Variants in SRGAP3 observed in about 807,000 individuals in gnomAD.
The protein encoded by SRGAP3 is SLIT-ROBO Rho GTPase-activating protein 3.
In SRGAP3, 39 loss-of-function variants were observed where a neutral mutation model predicts 121.1. The observed-to-expected ratio is 0.32, with a 90% confidence interval of 0.25 to 0.42. SRGAP3 has a LOEUF of 0.42. Ranked by LOEUF, SRGAP3 falls within the 10% of genes least tolerant of loss-of-function variation. The pLI, the probability that SRGAP3 is intolerant of heterozygous loss-of-function variation, is 1.00. For synonymous variants in SRGAP3, 601 were observed against 570.0 expected (o/e 1.05, Z -0.77); for missense variants, 1,213 against 1,470.6 (o/e 0.82, Z 2.86).
At position 9,019,225 on chromosome 3, in the gene SRGAP3, A is replaced by G. The variant is rs1024666127; in HGVS notation, c.1679-3494T>C. Among the ~76,000 whole-genome samples the G allele has an allele frequency of 6.6e-5, 10 of 152,242 alleles. 1 individual carries two copies. Among genetic ancestry groups the G allele is most frequent in the African/African-American group, 1.9e-4 (8 of 41,472 alleles). ...GCAGATTTCTGTGATCAGTTCCCAG[A>G]AGAGGGATGGCTGGGTCATAGGGTA... On this transcript the variant is annotated intron_variant, in intron 14 of 21. Transcript: ENST00000383836.
intron 2 of SRGAP3, among the ~76,000 whole-genome samples, chr3:9,107,470 T>C (rs1016241426): frequency 1.3e-5 from 2 of 152,208 alleles, no homozygotes; most frequent in African/African-American, 2.4e-5. Context: ...CTGGACGCTT[T>C]TCCCTCTGCC....
intron 18 of SRGAP3, among the ~76,000 whole-genome samples, chr3:8,999,429 C>T (rs1236622918): frequency 1.3e-5 from 2 of 152,210 alleles, no homozygotes; most frequent in African/African-American, 4.8e-5. Flanking sequence ...CCCATCAAAT[C>T]CCTCCCTCTA....
intron 5 of SRGAP3, among the ~76,000 whole-genome samples, chr3:9,063,722 G>A (rs1475575041): frequency 6.6e-6 from 1 of 152,162 alleles, no homozygotes; most frequent in Non-Finnish European, 1.5e-5. Flanking sequence ...GAGTTGACAT[G>A]AGAGATGAGA....
chr3:8,984,109 G>A lies in SRGAP3; in HGVS notation c.*1410C>T, dbSNP rs1574842525. Reference sequence around the variant, plus strand: ...TACTTGGCCAAGAGGCAAAGGCCTGGCTGTCACACGTGAAGATCATGCACC... The same window carrying A: ...TACTTGGCCAAGAGGCAAAGGCCTGACTGTCACACGTGAAGATCATGCACC... On this transcript the variant is annotated 3_prime_UTR_variant, in exon 22 of 22. Coordinates refer to ENST00000383836, the MANE Select transcript of SRGAP3 (RefSeq NM_014850.4). The A allele has an allele frequency of 4.3e-6, 1 of 231,834 alleles. No individual in the cohort carries two copies. The highest frequency in any genetic ancestry group is 8.5e-6 in the Non-Finnish European group (1 of 117,248). The allele number at this position is 231,834 out of a possible 1,614,324, so 14.4% of individuals were successfully genotyped here. A position where few individuals can be genotyped will look rare whatever the true frequency, so the allele number is the denominator to read the frequency against.
chr3:9,039,258 C>G (rs964341278), intron 10 of SRGAP3, among the ~76,000 whole-genome samples: 1 of 152,172 alleles, frequency 6.6e-6, no homozygotes, highest in Non-Finnish European at 1.5e-5. Context: ...TCCTGCCCTA[C>G]AAGTTCCTCA....
chr3:8,990,817 C>A lies in SRGAP3; in HGVS notation c.2581G>T (p.Ala861Ser). 6.4e-7 allele frequency: 1 copy of A among 1,568,652 alleles called. No individual in the cohort carries two copies. Among genetic ancestry groups the A allele is most frequent in the Non-Finnish European group, 8.6e-7 (1 of 1,161,172 alleles). Residue 861 changes from alanine (A) to serine (S), a missense_variant, in exon 21 of 22, where the codon GCA becomes TCA. Physicochemically the swap from Ala to Ser is moderately conservative, Grantham distance 99 (BLOSUM62 1). Coordinates refer to ENST00000383836, the MANE Select transcript of SRGAP3 (RefSeq NM_014850.4). ...MGRVRLRSDG[A>S]AIPRRRSGGD... ...CCGCTTCGGCGTCTGGGGATGGCTG[C>A]TCCATCAGATCGTAACCGCACTCTG...
At chr3:9,272,798 TTC>T (rs1353721939) in intron 3 of SRGAP3, among the ~76,000 whole-genome samples, 4 of 90,894 alleles carry the variant, frequency 4.4e-5, no homozygotes, top group South Asian at 3.6e-4. Context: ...CATATAATAA[TTC>T]TGTTTATTTT....
intron 1 of SRGAP3, among the ~76,000 whole-genome samples, chr3:9,200,930 G>C (rs1347009652): frequency 6.6e-6 from 1 of 152,096 alleles, no homozygotes; most frequent in African/African-American, 2.4e-5. Context: ...CAAAACTCAA[G>C]TCATGACTAC....
intron 4 of SRGAP3, among the ~76,000 whole-genome samples, chr3:9,075,662 G>C (rs144509793): frequency 6.6e-6 from 1 of 152,048 alleles, no homozygotes; most frequent in Non-Finnish European, 1.5e-5. Flanking sequence ...TAGGACCCCC[G>C]GAACAGACCA....
intron 1 of SRGAP3, among the ~76,000 whole-genome samples, chr3:9,176,652 C>G (rs1402044027): frequency 2.0e-5 from 3 of 152,162 alleles, no homozygotes; most frequent in Non-Finnish European, 4.4e-5. Context: ...GGGGAGGCCT[C>G]AGGAGGCTTC....
chr3:9,154,660 C>T (rs569941157), intron 1 of SRGAP3, among the ~76,000 whole-genome samples: 2 of 152,184 alleles, frequency 1.3e-5, no homozygotes, highest in Admixed American at 6.5e-5. Flanking sequence ...GCGGGCTGAG[C>T]GGCCAACTGA....
chr3:9,193,963 A>T (rs1032098337), intron 1 of SRGAP3: 4 of 152,120 alleles, frequency 2.6e-5, no homozygotes, highest in African/African-American at 9.7e-5. Context: ...GCCCCATCCC[A>T]CCTCTGTGCA....
chr3:9,211,578 G>A (rs1952447066), intron 1 of SRGAP3, among the ~76,000 whole-genome samples: 1 of 151,642 alleles, frequency 6.6e-6, no homozygotes, highest in African/African-American at 2.4e-5. Flanking sequence ...CAGTTAAGCT[G>A]AAAAATAGGC....
chr3:9,280,192 C>T (rs778070436), intron 3 of SRGAP3, among the ~76,000 whole-genome samples: 4 of 152,186 alleles, frequency 2.6e-5, no homozygotes, highest in Non-Finnish European at 5.9e-5. Flanking sequence ...CTCATGGCGA[C>T]CAAGCAAAGG....
intron 11 of SRGAP3, chr3:9,034,495 C>G (rs1207488942): frequency 6.6e-6 from 1 of 152,254 alleles, no homozygotes; most frequent in Non-Finnish European, 1.5e-5. Flanking sequence ...CCAGGGACCT[C>G]TAACCAACTT....
chr3:9,253,896 G>A (rs767181158), upstream of SRGAP3, among the ~76,000 whole-genome samples: 3 of 152,200 alleles, frequency 2.0e-5, no homozygotes, highest in Admixed American at 6.5e-5. Flanking sequence ...AAGGAAATAC[G>A]TGGATAAGCA....
At position 9,268,296 on chromosome 3, in the gene SRGAP3, G is replaced by GTCTCTCTC. The variant is rs71626912; in HGVS notation, n.442+57706_442+57713dup. On this transcript the variant is annotated intron_variant and non_coding_transcript_variant, in intron 3 of 3. Transcript: ENST00000490889. The stretch of plus-strand genomic sequence containing the variant: ...TTATAAGAAGAGACCAGAGAGAAGA[G>GTCTCTCTC]TCTCTCTCTCTCTCTCTCTCTCTCT... 4.4e-3 allele frequency among the ~76,000 whole-genome samples: 649 copies of GTCTCTCTC among 147,666 alleles called. 3 individuals carry two copies. Among genetic ancestry groups the GTCTCTCTC allele is most frequent in the South Asian group, 8.7e-3 (40 of 4,580 alleles).
intron 4 of SRGAP3, among the ~76,000 whole-genome samples, chr3:9,073,569 G>A (rs1158521863): frequency 6.6e-6 from 1 of 152,200 alleles, no homozygotes; most frequent in Non-Finnish European, 1.5e-5. Context: ...ACCCTGAGCT[G>A]GCCACCTGGG....
chr3:9,015,718 A>T lies in SRGAP3; in HGVS notation c.1692T>A (p.Leu564=). 1.2e-6 allele frequency: 2 copies of T among 1,614,188 alleles called. No homozygotes were observed. Among genetic ancestry groups the T allele is most frequent in the Non-Finnish European group, 1.7e-6 (2 of 1,180,042 alleles). ...KNSFERGEDP[L]VDDQNERDIN... ...TATCTCGTTCATTTTGATCGTCCACAAGGGGGTCTTCACCTGAGTGGAAAC... is the reference window on the plus strand; with the variant it reads ...TATCTCGTTCATTTTGATCGTCCACTAGGGGGTCTTCACCTGAGTGGAAAC... The change falls in exon 15 of 22, where the codon CTT becomes CTA. Residue 564 remains leucine, a synonymous_variant. Transcript: ENST00000383836.
Sources: allele counts gnomAD v4.1 joint callset (sites outside exome capture counted in the v4.1 genomes callset), GRCh38; gene constraint gnomAD v4.1.1; transcripts MANE v1.5; gene names NCBI Gene and HGNC (gene_info 2026-07-23, HGNC 2026-07-21).